Variants in CALD1 observed in about 807,000 individuals in gnomAD.
CALD1 encodes caldesmon 1, also known as caldesmon.
In CALD1, 33 loss-of-function variants were observed where a neutral mutation model predicts 99.9. That is an observed-to-expected ratio of 0.33 (90% CI 0.25 to 0.44). CALD1 has a LOEUF of 0.44. CALD1 is among the 20% of genes least tolerant of loss of function. CALD1 has a pLI of 1.00. For synonymous variants in CALD1, 310 were observed against 325.0 expected (o/e 0.95, Z 0.50); for missense variants, 861 against 962.1 (o/e 0.89, Z 1.39).
At chr7:134,808,911 G>A (rs1448411867) in intron 1 of CALD1, among the ~76,000 whole-genome samples, 1 of 152,186 alleles carries the variant, frequency 6.6e-6, no homozygotes, top group Non-Finnish European at 1.5e-5. Flanking sequence ...TATAACATTG[G>A]TGACAATGCT....
intron 12 of CALD1, 174 bp downstream of exon 12, chr7:134,960,285 A>G (rs1183871850): frequency 6.5e-6 from 5 of 768,610 alleles, no homozygotes; most frequent in African/African-American, 3.5e-5. Flanking sequence ...GTGAGGTTGC[A>G]TGAGGTACTA....
At chr7:134,879,626 T>C (rs1305290054) in intron 3 of CALD1, among the ~76,000 whole-genome samples, 1 of 152,248 alleles carries the variant, frequency 6.6e-6, no homozygotes, top group Non-Finnish European at 1.5e-5. Flanking sequence ...ACAGCTTAAT[T>C]TGTTAATTAT....
chr7:134,915,834 A>G (rs553502220), intron 3 of CALD1, among the ~76,000 whole-genome samples: 85 of 152,192 alleles, frequency 5.6e-4, no homozygotes, highest in Non-Finnish European at 1.1e-3. Flanking sequence ...CTTTTTACCA[A>G]ATCACAACAA....
At chr7:134,838,616 GA>G (rs1799534701) in intron 1 of CALD1, among the ~76,000 whole-genome samples, 1 of 152,176 alleles carries the variant, frequency 6.6e-6, no homozygotes. Context: ...TACATATATG[GA>G]AAGTTCACTA....
intron 1 of CALD1, among the ~76,000 whole-genome samples, chr7:134,774,044 C>A (rs143046206): frequency 0.017 from 2,657 of 152,002 alleles, 79 homozygotes; most frequent in African/African-American, 0.061. Flanking sequence ...GTGGTGGGCA[C>A]CTGTAATCCC....
At chr7:134,830,081 A>G (rs1287777599) in intron 1 of CALD1, among the ~76,000 whole-genome samples, 1 of 152,080 alleles carries the variant, frequency 6.6e-6, no homozygotes, top group African/African-American at 2.4e-5. Flanking sequence ...CTGAGGAAAA[A>G]AAAAAGGGGC....
chr7:134,728,964 G>A, the CALD1 span, among the ~76,000 whole-genome samples: 2 of 149,568 alleles, frequency 1.3e-5, no homozygotes, highest in Admixed American at 6.8e-5. Flanking sequence ...CAATTCTGGT[G>A]CCTCAGCCTC....
chr7:134,726,479 AAT>A, the CALD1 span, among the ~76,000 whole-genome samples: 1 of 140,018 alleles, frequency 7.1e-6, no homozygotes, highest in East Asian at 2.0e-4. Context: ...TTAGATATAT[AAT>A]ATATATTATA....
chr7:134,791,371 T>C (rs1797526488), intron 1 of CALD1, among the ~76,000 whole-genome samples: 1 of 152,196 alleles, frequency 6.6e-6, no homozygotes, highest in African/African-American at 2.4e-5. Flanking sequence ...TAATTTTTTG[T>C]ATTTTTAGTA....
At chr7:134,838,261 T>C (rs1799521716) in intron 1 of CALD1, among the ~76,000 whole-genome samples, 1 of 152,170 alleles carries the variant, frequency 6.6e-6, no homozygotes, top group Admixed American at 6.5e-5. Context: ...ATCAAGAGAT[T>C]CTCATACAGA....
the CALD1 span, among the ~76,000 whole-genome samples, chr7:134,730,187 T>C: frequency 2.6e-5 from 4 of 152,054 alleles, no homozygotes; most frequent in Admixed American, 6.6e-5. Flanking sequence ...TCTGTCTCCC[T>C]GCTTGCTCCC....
chr7:134,799,440 G>T (rs1797864430), intron 1 of CALD1, among the ~76,000 whole-genome samples: 1 of 152,140 alleles, frequency 6.6e-6, no homozygotes, highest in South Asian at 2.1e-4. Flanking sequence ...GGGTGGAAAT[G>T]GTTACTAAGT....
chr7:134,868,069 A>G (rs1266053216), intron 3 of CALD1: 1 of 226,094 alleles, frequency 4.4e-6, no homozygotes, highest in African/African-American at 2.3e-5. Flanking sequence ...TACCTTTCAC[A>G]TTGGAATGTT....
chr7:134,941,045 T>C (rs1806385335), intron 6 of CALD1, 47 bp from the exon 7 acceptor site: 15 of 1,529,362 alleles, frequency 9.8e-6, no homozygotes, highest in Non-Finnish European at 1.3e-5. Flanking sequence ...CAAAACCTAA[T>C]AAGATTTTTC....
At chr7:134,821,913 A>T (rs1454115353) in intron 1 of CALD1, 3 of 152,054 alleles carry the variant, frequency 2.0e-5, no homozygotes, top group Non-Finnish European at 4.4e-5. Context: ...AAAGAGATAG[A>T]TGTTTATAGA....
At chr7:134,850,713 T>C (rs887515430) in intron 2 of CALD1, among the ~76,000 whole-genome samples, 2 of 152,154 alleles carry the variant, frequency 1.3e-5, no homozygotes, top group Non-Finnish European at 2.9e-5. Flanking sequence ...CCAGGGCCCA[T>C]GCTGCCCTGC....
intron 1 of CALD1, among the ~76,000 whole-genome samples, chr7:134,770,233 G>A (rs930427634): frequency 2.0e-5 from 3 of 152,168 alleles, no homozygotes; most frequent in African/African-American, 2.4e-5. Flanking sequence ...TGGACTCACC[G>A]GCCCAGCCCC....
At chr7:134,834,375 A>C (rs1799349001) in intron 1 of CALD1, among the ~76,000 whole-genome samples, 1 of 152,230 alleles carries the variant, frequency 6.6e-6, no homozygotes, top group Non-Finnish European at 1.5e-5. Context: ...TCCAATATCC[A>C]AAAACAGATG....
At chr7:134,814,380 G>C (rs1458455421) in intron 1 of CALD1, among the ~76,000 whole-genome samples, 2 of 152,220 alleles carry the variant, frequency 1.3e-5, no homozygotes, top group East Asian at 3.8e-4. Context: ...CCAGTTGGCT[G>C]TGGGAGTAGG....
Sources: gnomAD v4.1 joint callset for allele counts (sites outside exome capture counted in the v4.1 genomes callset) on GRCh38, gnomAD v4.1.1 for gene constraint, MANE v1.5 for transcripts, NCBI Gene and HGNC (gene_info 2026-07-23, HGNC 2026-07-21) for gene names.